The following PPP1R12B variants were observed in gnomAD, a reference collection of about 807,000 sequenced individuals.
PPP1R12B encodes myosin phosphatase target subunit 2.
In PPP1R12B, 76 loss-of-function variants were observed where a neutral mutation model predicts 126.1. That is an observed-to-expected ratio of 0.60 (90% CI 0.50 to 0.73). The LOEUF is 0.73. Among genes scored for constraint, PPP1R12B ranks in the 30% least tolerant of loss-of-function variants. The pLI is 0.00. For missense variants in PPP1R12B, 1,052 were observed against 1,205.1 expected (o/e 0.87, Z 1.88); for synonymous variants, 356 against 434.7 (o/e 0.82, Z 2.25).
intron 13 of PPP1R12B, among the ~76,000 whole-genome samples, chr1:202,469,093 A>T (rs543180140): frequency 4.3e-4 from 66 of 152,314 alleles, no homozygotes; most frequent in African/African-American, 1.6e-3. Flanking sequence ...CAGATTCTGA[A>T]TTTCATCCAT....
intron 1 of PPP1R12B, among the ~76,000 whole-genome samples, chr1:202,364,553 T>C (rs923331417): frequency 6.6e-6 from 1 of 151,694 alleles, no homozygotes; most frequent in Non-Finnish European, 1.5e-5. Flanking sequence ...CATTTTTTAA[T>C]TTTTTAATTA....
At chr1:202,394,714 A>G (rs556831797) in intron 1 of PPP1R12B, among the ~76,000 whole-genome samples, 1 of 152,194 alleles carries the variant, frequency 6.6e-6, no homozygotes, top group East Asian at 1.9e-4. Flanking sequence ...AAATTGCACC[A>G]TTGCACTCTA....
At position 202,581,163 on chromosome 1, in the gene PPP1R12B, CCTAA is replaced by C; in HGVS notation, c.*607_*610del. 1 of 153,104 alleles carries C rather than the reference CCTAA, an allele frequency of 6.5e-6. No individual in the cohort carries two copies. The highest frequency in any genetic ancestry group is 1.9e-4 in the East Asian group (1 of 5,204). 9.5% of individuals were successfully genotyped at this position (153,104 alleles called of 1,614,324 possible). On this transcript the variant is annotated 3_prime_UTR_variant, in exon 24 of 24. Transcript: ENST00000608999. ...TTTTCTGTCAACACCCAGTAATCTC[CCTAA>C]CTAGTTTTAACCCTTATTCCTCCCT...
At chr1:202,507,049 G>C (rs1490983684) in intron 18 of PPP1R12B, among the ~76,000 whole-genome samples, 1 of 152,162 alleles carries the variant, frequency 6.6e-6, no homozygotes, top group African/African-American at 2.4e-5. Context: ...TCAGTTATCT[G>C]AGTCTAAAAC....
chr1:202,554,610 C>G (rs1423861210), intron 18 of PPP1R12B, among the ~76,000 whole-genome samples: 2 of 151,874 alleles, frequency 1.3e-5, no homozygotes, highest in African/African-American at 4.8e-5. Context: ...TTAGAGATAG[C>G]AAGGAAAGAT....
chr1:202,572,532 A>G (rs546521567), intron 23 of PPP1R12B, among the ~76,000 whole-genome samples: 62 of 152,288 alleles, frequency 4.1e-4, no homozygotes, highest in African/African-American at 1.5e-3. Flanking sequence ...AATTCTCCTC[A>G]AGAGAAACTC....
chr1:202,453,459 A>G (rs1246841986), intron 13 of PPP1R12B, among the ~76,000 whole-genome samples: 7 of 152,032 alleles, frequency 4.6e-5, no homozygotes, highest in Admixed American at 4.6e-4. Flanking sequence ...GCCTCATCAG[A>G]TAAGTTTGGA....
chr1:202,477,963 C>T (rs1479047204), intron 13 of PPP1R12B, among the ~76,000 whole-genome samples: 3 of 152,098 alleles, frequency 2.0e-5, no homozygotes, highest in Admixed American at 6.6e-5. Flanking sequence ...TGGTTTTTTC[C>T]GGATGCCAGA....
intron 1 of PPP1R12B, among the ~76,000 whole-genome samples, chr1:202,403,033 ACTT>A (rs1383449907): frequency 6.6e-6 from 1 of 152,174 alleles, no homozygotes; most frequent in Non-Finnish European, 1.5e-5. Context: ...GTCACTGTGA[ACTT>A]CTTTCAACTT....
chr1:202,360,327 A>G (rs1477258536), intron 1 of PPP1R12B, among the ~76,000 whole-genome samples: 1 of 152,240 alleles, frequency 6.6e-6, no homozygotes, highest in Non-Finnish European at 1.5e-5. Context: ...CCTGAATTCC[A>G]TTAATTAGTG....
At chr1:202,426,635 G>C (rs2843415) in intron 4 of PPP1R12B, among the ~76,000 whole-genome samples, 1 of 152,202 alleles carries the variant, frequency 6.6e-6, no homozygotes, top group South Asian at 2.1e-4. Flanking sequence ...TACAGATAGA[G>C]AGAATGACCA....
chr1:202,407,160 G>C (rs1666723669), intron 1 of PPP1R12B, among the ~76,000 whole-genome samples: 1 of 152,204 alleles, frequency 6.6e-6, no homozygotes, highest in Non-Finnish European at 1.5e-5. Flanking sequence ...TTGTAAGACA[G>C]CTGAATGAGT....
At chr1:202,451,910 G>A (rs1477474315) in intron 13 of PPP1R12B, among the ~76,000 whole-genome samples, 9 of 152,054 alleles carry the variant, frequency 5.9e-5, no homozygotes, top group African/African-American at 1.7e-4. Flanking sequence ...CTTCCCAGAC[G>A]GGGTGGCTGC....
At chr1:202,510,662 T>G (rs1034210951) in intron 18 of PPP1R12B, among the ~76,000 whole-genome samples, 1 of 152,104 alleles carries the variant, frequency 6.6e-6, no homozygotes, top group Non-Finnish European at 1.5e-5. Flanking sequence ...TTGGGATGTC[T>G]TTTGCTCTCA....
intron 11 of PPP1R12B, among the ~76,000 whole-genome samples, chr1:202,442,139 A>G (rs1392024934): frequency 2.0e-5 from 3 of 152,158 alleles, no homozygotes; most frequent in African/African-American, 7.2e-5. Flanking sequence ...GTGAGTCACT[A>G]TGCCCAGCTG....
Position 202,580,632 on chromosome 1 carries a change from C to A in PPP1R12B, c.*72C>A. ...CCCCACCCCTCTTTTCCAGTCCTTG[C>A]CTTCCAACCAAAAGAAATGGATGTT... On this transcript the variant is annotated 3_prime_UTR_variant, in exon 24 of 24. Transcript: ENST00000608999. The A allele has an allele frequency of 2.4e-6, 3 of 1,272,260 alleles. No homozygotes were observed. The highest frequency in any genetic ancestry group is 3.4e-6 in the Non-Finnish European group (3 of 873,574). 78.8% of individuals were successfully genotyped at this position (1,272,260 alleles called of 1,614,324 possible).
chr1:202,370,776 G>C lies in PPP1R12B; in HGVS notation c.291+21634G>C, dbSNP rs374677430. Among the ~76,000 whole-genome samples the C allele has an allele frequency of 1.1e-4, 16 of 152,186 alleles. No homozygotes were observed. In the East Asian group the frequency reaches 2.3e-3, roughly 22 times the overall value. On this transcript the variant is annotated intron_variant, in intron 1 of 23. Transcript: ENST00000608999. ...TGGTCTCGAACTACTGACCTCAGGT[G>C]ATCCACCTGCCTCAGCCTCCTAAAG... is the stretch of plus-strand genomic sequence containing the variant.
In PPP1R12B at chr1:202,428,862, C is replaced by T. The variant is rs1669870041; in HGVS notation, c.854C>T (p.Thr285Ile). Residue 285 changes from threonine (T) to isoleucine (I), a missense_variant, in exon 6 of 24, where the codon ACA (threonine) becomes ATA (isoleucine). By Grantham distance (89) the Thr-to-Ile change is moderately conservative (BLOSUM62 -1). Transcript: ENST00000608999. ...DMDIRNKLGQ[T>I]PFDVADEGLV... is the part of the protein sequence containing the mutation. ...GCTCCTTTTCTCTGCCAGGGCCAGACACCATTTGATGTGGCTGATGAGGGT... is the reference window on the plus strand; with the variant it reads ...GCTCCTTTTCTCTGCCAGGGCCAGATACCATTTGATGTGGCTGATGAGGGT... 6.2e-7 allele frequency: 1 copy of T among 1,606,124 alleles called. No individual in the cohort carries two copies. Among genetic ancestry groups the T allele is most frequent in the African/African-American group, 1.3e-5 (1 of 74,492 alleles).
Position 202,526,887 on chromosome 1 carries a change from G to C in PPP1R12B, c.2490+30065G>C, listed in dbSNP as rs78346734. ...TATAATGAGAATTACAAAATAGTTA[G>C]AGCTGAACAACAATGAAATTACTTC... On this transcript the variant is annotated intron_variant, in intron 18 of 23. Coordinates refer to ENST00000608999, the MANE Select transcript of PPP1R12B (RefSeq NM_002481.4). 7.7e-3 allele frequency among the ~76,000 whole-genome samples: 1,165 copies of C among 152,262 alleles called. 7 individuals carry two copies. Among genetic ancestry groups the C allele is most frequent in the Non-Finnish European group, 0.013 (905 of 68,024 alleles).
Sources: gnomAD v4.1 joint callset for allele counts (sites outside exome capture counted in the v4.1 genomes callset) on GRCh38, gnomAD v4.1.1 for gene constraint, MANE v1.5 for transcripts, NCBI Gene and HGNC (gene_info 2026-07-23, HGNC 2026-07-21) for gene names.